The following ZFP69B variants were observed in gnomAD, a reference collection of about 807,000 sequenced individuals.
ZFP69B encodes ZFP69 zinc finger protein B.
In ZFP69B, 20 loss-of-function variants were observed where a neutral mutation model predicts 19.7. The observed-to-expected ratio is 1.02, with a 90% CI of 0.71 to 1.48. The LOEUF (loss-of-function observed/expected upper bound fraction) is 1.48. Ranked by LOEUF, ZFP69B falls within the 40% of genes most tolerant of loss-of-function variation. The pLI, the probability that ZFP69B is intolerant of heterozygous loss-of-function variation, is 0.00. For synonymous variants in ZFP69B, 220 were observed against 222.7 expected, an observed-to-expected ratio of 0.99 and a Z score of 0.11; for missense variants, 583 against 632.6, an observed-to-expected ratio of 0.92 and a Z score of 0.84.
intron 2 of ZFP69B, 122 bp downstream of exon 2, chr1:40,454,410 A>AT (rs1645214016): frequency 5.8e-6 from 4 of 690,246 alleles, no homozygotes; most frequent in Non-Finnish European, 8.6e-6. Flanking sequence ...TTTTTTCATT[A>AT]TTTTTTGAGA....
Position 40,462,800 on chromosome 1 carries a change from T to G in ZFP69B, c.816T>G (p.Ser272Arg), listed in dbSNP as rs1407722807. 6.2e-7 allele frequency: 1 copy of G among 1,613,310 alleles called. No individual in the cohort carries two copies. The highest frequency in any genetic ancestry group is 1.7e-5 in the Admixed American group (1 of 59,828). Residue 272 changes from serine to arginine, a missense_variant, in exon 5 of 5, where the codon AGT (serine) becomes AGG (arginine). Ser to Arg is a moderately radical substitution (Grantham distance 110, BLOSUM62 -1). Coordinates refer to ENST00000361584, the MANE Select transcript of ZFP69B (RefSeq NM_023070.3). ...YNIDLVNHSR[S>R]YTKMKTFECN... is the part of the protein sequence containing the mutation. Reference sequence around the variant, plus strand: ...TAGATTTAGTTAATCATTCAAGGAGTTATACAAAAATGAAAACCTTTGAGT... The same window carrying G: ...TAGATTTAGTTAATCATTCAAGGAGGTATACAAAAATGAAAACCTTTGAGT...
chr1:40,454,672 C>T (rs575367944), intron 2 of ZFP69B, among the ~76,000 whole-genome samples: 1 of 152,356 alleles, frequency 6.6e-6, no homozygotes, highest in South Asian at 2.1e-4. Context: ...GCTGGGATTA[C>T]AGGCATGAGC....
intron 2 of ZFP69B, 82 bp downstream of exon 2, chr1:40,454,370 C>A: frequency 1.0e-6 from 1 of 996,034 alleles, no homozygotes; most frequent in Non-Finnish European, 1.4e-6. Context: ...TTTGACTCAA[C>A]TTCCTGGATT....
In ZFP69B at chr1:40,453,595, A is replaced by G. The variant is rs1645205938; in HGVS notation, c.128-608A>G. On this transcript the variant is annotated intron_variant, in intron 1 of 4. Coordinates refer to ENST00000361584, the MANE Select transcript of ZFP69B (RefSeq NM_023070.3). ...AGGATTTGGGTGGGGTACTATCCAC[A>G]TGTATTCAAAGAATGGTACCAGGAT... is the stretch of plus-strand genomic sequence containing the variant. Among the ~76,000 whole-genome samples the G allele has an allele frequency of 2.6e-5, 4 of 152,310 alleles. 1 individual carries two copies. The South Asian group carries it at 8.3e-4, about 32-fold the overall frequency.
At position 40,462,548 on chromosome 1, in the gene ZFP69B, A is replaced by G. The variant is rs1396537587; in HGVS notation, c.564A>G (p.Arg188=). ...GCAGCATGTATTCCACCTTGGGAAG[A>G]ATCTCCAAATGTAATAAGCTAGAAA... The part of the protein sequence containing the change: ...KGSSMYSTLG[R]ISKCNKLESQ... Residue 188 remains arginine, a synonymous_variant, in exon 5 of 5, where the codon AGA becomes AGG. Transcript: ENST00000361584. 5.0e-6 allele frequency: 8 copies of G among 1,614,050 alleles called. No homozygotes were observed. Among genetic ancestry groups the G allele is most frequent in the African/African-American group, 4.0e-5 (3 of 74,942 alleles).
Position 40,462,823 on chromosome 1 carries a change from A to C in ZFP69B, c.839A>C (p.Glu280Ala). The C allele has an allele frequency of 1.2e-6, 2 of 1,613,962 alleles. No homozygotes were observed. Among genetic ancestry groups the C allele is most frequent in the Non-Finnish European group, 1.7e-6 (2 of 1,179,976 alleles). Reference protein sequence around the residue: ...SRSYTKMKTFECNICEKIFKQ... With the variant: ...SRSYTKMKTFACNICEKIFKQ... ...AGTTATACAAAAATGAAAACCTTTG[A>C]GTGTAATATTTGTGAAAAAATCTTC... The change falls in exon 5 of 5, where the codon GAG (glutamate) becomes GCG (alanine). Residue 280 changes from glutamate to alanine, a missense_variant. Physicochemically the swap from Glu to Ala is moderately radical, Grantham distance 107. Coordinates refer to ENST00000361584, the MANE Select transcript of ZFP69B (RefSeq NM_023070.3).
chr1:40,462,493 G>T lies in ZFP69B; in HGVS notation c.509G>T (p.Gly170Val), dbSNP rs149088436. ...NDISWEELHC[G>V]LMMERFTKGS... ...ATTTCGTGGGAAGAACTACATTGTG[G>T]CCTAATGATGGAAAGATTTACAAAA... The change falls in exon 5 of 5, where the codon GGC (glycine) becomes GTC (valine). Residue 170 changes from glycine (G) to valine (V), a missense_variant. Transcript: ENST00000361584. 2.5e-6 allele frequency: 4 copies of T among 1,613,862 alleles called. No individual in the cohort carries two copies. The highest frequency in any genetic ancestry group is 2.5e-6 in the Non-Finnish European group (3 of 1,179,998).
At chr1:40,461,105 C>G (rs1157286338) in intron 4 of ZFP69B, among the ~76,000 whole-genome samples, 1 of 147,588 alleles carries the variant, frequency 6.8e-6, no homozygotes, top group Admixed American at 6.7e-5. Context: ...AAGATCGCCC[C>G]ACTCCACTCC....
At chr1:40,451,114 G>A in intron 1 of ZFP69B, 26 bp downstream of exon 1, 3 of 1,501,454 alleles carry the variant, frequency 2.0e-6, no homozygotes, top group Non-Finnish European at 2.7e-6. Context: ...TGGGTGGGAG[G>A]GAGGAAAAGC....
intron 4 of ZFP69B, among the ~76,000 whole-genome samples, chr1:40,459,553 C>G (rs77053653): frequency 3.7e-4 from 57 of 152,288 alleles, no homozygotes; most frequent in Non-Finnish European, 6.3e-4. Context: ...TTCTACTGTT[C>G]ATCTGTGTTG....
At chr1:40,458,573 G>A (rs911883618) in intron 4 of ZFP69B, among the ~76,000 whole-genome samples, 3 of 150,178 alleles carry the variant, frequency 2.0e-5, no homozygotes, top group African/African-American at 4.9e-5. Flanking sequence ...CTGGAGTGCC[G>A]TGGTGCAGTC....
Position 40,454,214 on chromosome 1 carries a change from C to G in ZFP69B, c.139C>G (p.Gln47Glu), listed in dbSNP as rs776107042. Residue 47 changes from glutamine to glutamate, a missense_variant, in exon 2 of 5, where the codon CAG (glutamine) becomes GAG (glutamate). Physicochemically the swap from Gln to Glu is conservative, Grantham distance 29. Coordinates refer to ENST00000361584, the MANE Select transcript of ZFP69B (RefSeq NM_023070.3). ...KMFKAEALLS[Q>E]DADETQGESL... is the part of the protein sequence containing the mutation. Reference sequence around the variant, plus strand: ...TTTTCCTTCCCCAGCTCTGCTGTCTCAGGATGCTGATGAGACCCAGGGCGA... The same window carrying G: ...TTTTCCTTCCCCAGCTCTGCTGTCTGAGGATGCTGATGAGACCCAGGGCGA... 1 of 1,599,842 alleles carries G rather than the reference C, an allele frequency of 6.3e-7. No individual in the cohort carries two copies. Among genetic ancestry groups the G allele is most frequent in the Admixed American group, 1.7e-5 (1 of 59,280 alleles).
upstream of ZFP69B, among the ~76,000 whole-genome samples, chr1:40,450,339 CTT>C (rs1371147929): frequency 6.6e-6 from 1 of 152,190 alleles, no homozygotes; most frequent in African/African-American, 2.4e-5. Context: ...GTGGGGAGGA[CTT>C]AGCCTCTCAT....
rs1397168897 is a variant in ZFP69B at position 40,463,329 on chromosome 1, T to G, written c.1345T>G (p.Cys449Gly). Residue 449 changes from cysteine to glycine, a missense_variant, in exon 5 of 5, where the codon TGT becomes GGT. Physicochemically the swap from Cys to Gly is radical, Grantham distance 159. Coordinates refer to ENST00000361584, the MANE Select transcript of ZFP69B (RefSeq NM_023070.3). Reference protein sequence around the residue: ...RTHTGERPYKCKECGKAFSQR... With the variant: ...RTHTGERPYKGKECGKAFSQR... ...TCATACTGGAGAAAGACCATATAAA[T>G]GTAAGGAATGTGGGAAAGCCTTTAG... The G allele has an allele frequency of 6.2e-7, 1 of 1,614,182 alleles. No homozygotes were observed. Among genetic ancestry groups the G allele is most frequent in the South Asian group, 1.1e-5 (1 of 91,084 alleles).
chr1:40,462,629 A>G lies in ZFP69B; in HGVS notation c.645A>G (p.Lys215=). The G allele has an allele frequency of 6.2e-7, 1 of 1,613,950 alleles. No homozygotes were observed. Among genetic ancestry groups the G allele is most frequent in the Non-Finnish European group, 8.5e-7 (1 of 1,179,976 alleles). Residue 215 remains lysine (K), a synonymous_variant, in exon 5 of 5, where the codon AAA becomes AAG. Transcript: ENST00000361584. ...GKGQIPLMCK[K]TFTQERGQES... ...GGCAAATCCCCCTGATGTGCAAGAAAACATTCACTCAGGAGAGAGGCCAAG... is the reference window on the plus strand; with the variant it reads ...GGCAAATCCCCCTGATGTGCAAGAAGACATTCACTCAGGAGAGAGGCCAAG...
In ZFP69B at chr1:40,457,538, A is replaced by G; in HGVS notation, c.436+99A>G. The G allele has an allele frequency of 8.8e-6, 8 of 910,118 alleles. No individual in the cohort carries two copies. The South Asian group carries it at 1.3e-4, about 15-fold the overall frequency. The allele number at this position is 910,118 out of a possible 1,614,324, so 56.4% of individuals were successfully genotyped here. On this transcript the variant is annotated intron_variant, in intron 4 of 4. Transcript: ENST00000361584. ...GGAAGACTGAGGCCATGTGGATGGT[A>G]CATTCAAGAAAGTTGATTCTGTTAT...
At position 40,450,682 on chromosome 1, in the gene ZFP69B, T is replaced by C. The variant is rs936613579; in HGVS notation, c.-280T>C. On this transcript the variant is annotated 5_prime_UTR_variant, in exon 1 of 5. Transcript: ENST00000361584. Reference sequence around the variant, plus strand: ...ATCTGCAGGGGCTGCTGAGAGTAAATACTTGGCGCCTCCAGCTGCTGGCCA... The same window carrying C: ...ATCTGCAGGGGCTGCTGAGAGTAAACACTTGGCGCCTCCAGCTGCTGGCCA... 3 of 245,548 alleles carry C rather than the reference T, an allele frequency of 1.2e-5. No homozygotes were observed. The highest frequency in any genetic ancestry group is 2.3e-5 in the African/African-American group (1 of 44,234). The allele number at this position is 245,548 out of a possible 1,614,324, so 15.2% of individuals were successfully genotyped here.
In ZFP69B at chr1:40,450,896, C is replaced by T. The variant is rs1412851020; in HGVS notation, c.-66C>T. ...CTGTCAGAGCTTCCAGCAATTTCCT[C>T]ATCAGAGGTGGACAAGCCCTATGGG... On this transcript the variant is annotated 5_prime_UTR_variant, in exon 1 of 5. Coordinates refer to ENST00000361584, the MANE Select transcript of ZFP69B (RefSeq NM_023070.3). 1.4e-6 allele frequency: 2 copies of T among 1,421,366 alleles called. No homozygotes were observed. The highest frequency in any genetic ancestry group is 1.5e-5 in the South Asian group (1 of 66,956). The allele number at this position is 1,421,366 out of a possible 1,614,324, so 88.0% of individuals were successfully genotyped here.
Position 40,463,069 on chromosome 1 carries a change from C to T in ZFP69B, c.1085C>T (p.Pro362Leu). 3 of 1,614,116 alleles carry T rather than the reference C, an allele frequency of 1.9e-6. No homozygotes were observed. The highest frequency in any genetic ancestry group is 2.5e-6 in the Non-Finnish European group (3 of 1,180,024). The change falls in exon 5 of 5, where the codon CCC becomes CTC. Residue 362 changes from proline (P) to leucine (L), a missense_variant. Coordinates refer to ENST00000361584, the MANE Select transcript of ZFP69B (RefSeq NM_023070.3). ...QHVRIHTGEKPYECRVCEKAF... is the reference protein window; with the variant it reads ...QHVRIHTGEKLYECRVCEKAF... ...GTTAGAATTCATACCGGGGAAAAGC[C>T]CTATGAATGTAGGGTATGTGAGAAA...
Sources: gnomAD v4.1 joint callset for allele counts (sites outside exome capture counted in the v4.1 genomes callset) on GRCh38, gnomAD v4.1.1 for gene constraint, MANE v1.5 for transcripts, NCBI Gene and HGNC (gene_info 2026-07-23, HGNC 2026-07-21) for gene names.